Variants in SMC1B observed in about 807,000 individuals in gnomAD.
SMC1B encodes structural maintenance of chromosomes 1B.
SMC1B carries 60 observed loss-of-function variants against 157.9 expected under a neutral mutation model. That is an observed-to-expected ratio of 0.38 (90% CI 0.31 to 0.47). SMC1B has a LOEUF of 0.47. Ranked by LOEUF, SMC1B falls within the 20% of genes least tolerant of loss-of-function variation. SMC1B has a pLI of 0.99. For missense variants in SMC1B, 1,165 were observed against 1,426.2 expected (o/e 0.82, Z 2.95); for synonymous variants, 445 against 483.0 (o/e 0.92, Z 1.03).
At chr22:45,382,718 T>G (rs945073736) in intron 12 of SMC1B, among the ~76,000 whole-genome samples, 1 of 152,154 alleles carries the variant, frequency 6.6e-6, no homozygotes, top group Non-Finnish European at 1.5e-5. Context: ...CTTAAAATAG[T>G]AATGAAATAA....
intron 23 of SMC1B, among the ~76,000 whole-genome samples, chr22:45,347,587 A>G (rs1223176062): frequency 6.6e-6 from 1 of 152,124 alleles, no homozygotes; most frequent in African/African-American, 2.4e-5. Flanking sequence ...CTAGGTTATA[A>G]ACCAGAATGC....
rs754547507 is a variant in SMC1B at position 45,398,996 on chromosome 22, T to A, written c.1113+99A>T. On this transcript the variant is annotated intron_variant, in intron 6 of 24. Coordinates refer to ENST00000357450, the MANE Select transcript of SMC1B (RefSeq NM_148674.5). ...CCCACAATTTACATTGAGGATAATC[T>A]CTTAAAATATCAGAGAGGTCATCTT... The A allele has an allele frequency of 1.0e-5, 12 of 1,174,294 alleles. No individual in the cohort carries two copies. The Admixed American group carries it at 2.7e-4, about 27-fold the overall frequency. 72.7% of individuals were successfully genotyped at this position (1,174,294 alleles called of 1,614,324 possible).
intron 15 of SMC1B, among the ~76,000 whole-genome samples, chr22:45,368,495 T>C (rs1439696480): frequency 6.6e-6 from 1 of 152,106 alleles, no homozygotes; most frequent in Non-Finnish European, 1.5e-5. Context: ...ATGCATTTTT[T>C]CCTCTTCTAC....
At chr22:45,367,621 T>C (rs1471928225) in intron 15 of SMC1B, among the ~76,000 whole-genome samples, 1 of 152,206 alleles carries the variant, frequency 6.6e-6, no homozygotes, top group Admixed American at 6.5e-5. Context: ...TCAGGAACTT[T>C]TCTCCCTTCA....
intron 12 of SMC1B, among the ~76,000 whole-genome samples, chr22:45,372,935 G>A (rs1024048070): frequency 3.3e-5 from 5 of 151,902 alleles, no homozygotes; most frequent in African/African-American, 1.2e-4. Context: ...GGATCATCTC[G>A]ATCTCCTGAT....
In SMC1B at chr22:45,369,966, A is replaced by G. The variant is rs1249600518; in HGVS notation, c.2408T>C (p.Ile803Thr). 3.2e-6 allele frequency: 5 copies of G among 1,570,994 alleles called. No individual in the cohort carries two copies. Among genetic ancestry groups the G allele is most frequent in the Non-Finnish European group, 4.3e-6 (5 of 1,151,206 alleles). Reference protein sequence around the residue: ...ENKHVKRQQEIDQKRLEFEKQ... With the variant: ...ENKHVKRQQETDQKRLEFEKQ... ...TTTATAAAAATACCTTTTTTGATCA[A>G]TTTCTTGTTGCCGTTTAACATGTTT... Residue 803 changes from isoleucine to threonine, a missense_variant, in exon 15 of 25, where the codon ATT becomes ACT. Coordinates refer to ENST00000357450, the MANE Select transcript of SMC1B (RefSeq NM_148674.5).
At chr22:45,403,480 G>C (rs777302257) in intron 4 of SMC1B, among the ~76,000 whole-genome samples, 1 of 150,460 alleles carries the variant, frequency 6.6e-6, no homozygotes, top group African/African-American at 2.5e-5. Context: ...TTGAAACAGA[G>C]TTTTGCTCTC....
Position 45,389,694 on chromosome 22 carries a change from G to A in SMC1B, c.1731+18C>T. On this transcript the variant is annotated intron_variant, in intron 10 of 24. Coordinates refer to ENST00000357450, the MANE Select transcript of SMC1B (RefSeq NM_148674.5). ...AGATTTTTATCACTATAAATACCAGGCATTACAAAGTTCTTACATCAAGGT... is the reference window on the plus strand; with the variant it reads ...AGATTTTTATCACTATAAATACCAGACATTACAAAGTTCTTACATCAAGGT... 1 of 1,595,892 alleles carries A rather than the reference G, an allele frequency of 6.3e-7. No homozygotes were observed. The highest frequency in any genetic ancestry group is 8.6e-7 in the Non-Finnish European group (1 of 1,165,796).
intron 8 of SMC1B, 126 bp downstream of exon 8, chr22:45,394,559 C>A: frequency 8.7e-7 from 1 of 1,151,562 alleles, no homozygotes; most frequent in Non-Finnish European, 1.1e-6. Flanking sequence ...TCATGTGAGC[C>A]CCGGAAGTTG....
At chr22:45,369,918 T>C (rs1305384556) in intron 15 of SMC1B, 36 bp downstream of exon 15, 2 of 1,105,400 alleles carry the variant, frequency 1.8e-6, no homozygotes, top group African/African-American at 1.6e-5. Context: ...TTTATAAATA[T>C]GTAAGCTCCT....
At chr22:45,395,987 A>G (rs1163386904) in intron 7 of SMC1B, among the ~76,000 whole-genome samples, 1 of 152,222 alleles carries the variant, frequency 6.6e-6, no homozygotes, top group African/African-American at 2.4e-5. Flanking sequence ...TGTAAAGATG[A>G]ATAGGTTATT....
At chr22:45,375,414 T>C (rs1047225666) in intron 12 of SMC1B, among the ~76,000 whole-genome samples, 12 of 152,242 alleles carry the variant, frequency 7.9e-5, no homozygotes, top group African/African-American at 2.4e-4. Flanking sequence ...GACTGTGTCA[T>C]GGATGTGCGT....
intron 14 of SMC1B, 123 bp downstream of exon 14, chr22:45,371,348 T>C (rs1034069588): frequency 1.4e-5 from 19 of 1,340,746 alleles, no homozygotes; most frequent in Non-Finnish European, 1.6e-5. Flanking sequence ...TACAACATTG[T>C]TGTTTCTGAC....
intron 11 of SMC1B, among the ~76,000 whole-genome samples, chr22:45,385,721 A>C (rs1201276788): frequency 6.6e-6 from 1 of 152,088 alleles, no homozygotes; most frequent in Non-Finnish European, 1.5e-5. Context: ...TACAAAAGTC[A>C]ATGTTAGTGC....
chr22:45,411,778 T>C (rs1475195740), intron 1 of SMC1B, among the ~76,000 whole-genome samples: 1 of 151,438 alleles, frequency 6.6e-6, no homozygotes, highest in Non-Finnish European at 1.5e-5. Context: ...ACAGATGGGG[T>C]TTCATCATGT....
At chr22:45,399,499 G>A (rs1203528314) in intron 5 of SMC1B, 146 bp from the exon 6 acceptor site, 11 of 728,600 alleles carry the variant, frequency 1.5e-5, no homozygotes, top group Non-Finnish European at 2.2e-5. Flanking sequence ...GTTGCCAAAG[G>A]TTGAGCAAGG....
At chr22:45,392,861 C>T (rs536558533) in intron 9 of SMC1B, among the ~76,000 whole-genome samples, 54 of 152,084 alleles carry the variant, frequency 3.6e-4, no homozygotes, top group African/African-American at 1.3e-3. Flanking sequence ...CCACAATGTG[C>T]GGCTACTTTT....
chr22:45,355,967 GGCTGAGGCAGGACAATC>G (rs1186229126), intron 19 of SMC1B, among the ~76,000 whole-genome samples: 1 of 152,206 alleles, frequency 6.6e-6, no homozygotes, highest in African/African-American at 2.4e-5. Context: ...CTACTTGGGA[GGCTGAGGCAGGACAATC>G]GCTTGAACCC....
chr22:45,401,889 C>CTT (rs1555933581), intron 5 of SMC1B, among the ~76,000 whole-genome samples: 3 of 147,416 alleles, frequency 2.0e-5, no homozygotes, highest in Non-Finnish European at 1.5e-5. Flanking sequence ...TCTACACCAC[C>CTT]TTTTTTTTTT....
Sources: allele counts gnomAD v4.1 joint callset (sites outside exome capture counted in the v4.1 genomes callset), GRCh38; gene constraint gnomAD v4.1.1; transcripts MANE v1.5; gene names NCBI Gene and HGNC (gene_info 2026-07-23, HGNC 2026-07-21).